Variants in ZNF254 observed in about 807,000 individuals in gnomAD.
The protein encoded by ZNF254 is zinc finger protein 254.
A neutral mutation model predicts 12.4 loss-of-function variants in ZNF254; 10 were observed. The observed-to-expected ratio is 0.80, with a 90% CI of 0.50 to 1.36. ZNF254 has a LOEUF of 1.36. Ranked by LOEUF, ZNF254 falls within the 40% of genes most tolerant of loss-of-function variation. The pLI, the probability that ZNF254 is intolerant of heterozygous loss-of-function variation, is 0.00. For synonymous variants in ZNF254, 305 were observed against 253.4 expected, an observed-to-expected ratio of 1.20 and a Z score of -1.93; for missense variants, 996 against 763.9, an observed-to-expected ratio of 1.30 and a Z score of -3.58.
In ZNF254 at chr19:24,126,686, G is replaced by T. The variant is rs764003323; in HGVS notation, c.686G>T (p.Arg229Met). Residue 229 changes from arginine (R) to methionine (M), a missense_variant, in exon 4 of 4, where the codon AGG becomes ATG. By Grantham distance (91) the Arg-to-Met change is moderately conservative (BLOSUM62 -1). Coordinates refer to ENST00000357002, the MANE Select transcript of ZNF254 (RefSeq NM_203282.4). ...TGGTCCTCAACCCTTACTAATCATA[G>T]GAAAATTTATACTGAAGAGAAACCT... Reference protein sequence around the residue: ...FNWSSTLTNHRKIYTEEKPYK... With the variant: ...FNWSSTLTNHMKIYTEEKPYK... The T allele has an allele frequency of 6.2e-7, 1 of 1,612,644 alleles. No individual in the cohort carries two copies. The highest frequency in any genetic ancestry group is 1.1e-5 in the South Asian group (1 of 90,862).
At chr19:24,089,551 C>T (rs1476313976) in intron 1 of ZNF254, among the ~76,000 whole-genome samples, 2 of 151,978 alleles carry the variant, frequency 1.3e-5, no homozygotes, top group East Asian at 1.9e-4. Flanking sequence ...TTGGGATAAA[C>T]GAAGATACCC....
chr19:24,098,605 G>T (rs138136682), intron 1 of ZNF254: 13 of 152,270 alleles, frequency 8.5e-5, no homozygotes, highest in Admixed American at 8.5e-4. Context: ...TATTTAGAGA[G>T]AAATTCTTTT....
At chr19:24,096,940 A>G (rs1487292490) in intron 1 of ZNF254, among the ~76,000 whole-genome samples, 1 of 152,228 alleles carries the variant, frequency 6.6e-6, no homozygotes, top group East Asian at 1.9e-4. Context: ...GTTCAAGCAC[A>G]TGTGATGGAC....
chr19:24,061,006 C>T (rs1357488355), intron 2 of ZNF254, among the ~76,000 whole-genome samples: 1 of 152,048 alleles, frequency 6.6e-6, no homozygotes, highest in Non-Finnish European at 1.5e-5. Context: ...TAGTTTTTGA[C>T]TCAGCACCTA....
At chr19:24,042,429 T>G (rs1970210824) in intron 1 of ZNF254, among the ~76,000 whole-genome samples, 1 of 152,150 alleles carries the variant, frequency 6.6e-6, no homozygotes, top group South Asian at 2.1e-4. Context: ...ACTTTGTTCT[T>G]TAACTCTTTG....
intron 2 of ZNF254, among the ~76,000 whole-genome samples, chr19:24,076,878 G>A (rs1971678788): frequency 6.6e-6 from 1 of 152,068 alleles, no homozygotes; most frequent in Admixed American, 6.6e-5. Context: ...AAGTCAAGCT[G>A]GAGACTACAT....
At chr19:24,080,576 A>G (rs758398959) in intron 2 of ZNF254, 4 of 152,196 alleles carry the variant, frequency 2.6e-5, no homozygotes, top group Non-Finnish European at 5.9e-5. Flanking sequence ...TCACACCTGT[A>G]ATCCTAGCAC....
At position 24,127,809 on chromosome 19, in the gene ZNF254, A is replaced by T; in HGVS notation, c.1809A>T (p.Lys603Asn). 1 of 1,612,634 alleles carries T rather than the reference A, an allele frequency of 6.2e-7. No homozygotes were observed. Among genetic ancestry groups the T allele is most frequent in the Non-Finnish European group, 8.5e-7 (1 of 1,179,484 alleles). Residue 603 changes from lysine to asparagine, a missense_variant, in exon 4 of 4, where the codon AAA (lysine) becomes AAT (asparagine). Coordinates refer to ENST00000357002, the MANE Select transcript of ZNF254 (RefSeq NM_203282.4). ...TTCATACTGGAGTAAAACCCTACAA[A>T]TGTGAAGAATGTGGCAAAGCATTTT... ...KVIHTGVKPY[K>N]CEECGKAFFW...
chr19:24,077,069 T>C (rs528443748), intron 2 of ZNF254, among the ~76,000 whole-genome samples: 2 of 152,342 alleles, frequency 1.3e-5, no homozygotes, highest in East Asian at 3.9e-4. Flanking sequence ...TCCTCTGCCC[T>C]ATTGTTAATT....
At chr19:24,052,189 G>T (rs761994389) in intron 2 of ZNF254, among the ~76,000 whole-genome samples, 1 of 152,206 alleles carries the variant, frequency 6.6e-6, no homozygotes, top group Non-Finnish European at 1.5e-5. Flanking sequence ...TATGTGTTGT[G>T]ACTCTCCTCT....
At chr19:24,114,245 G>C (rs983587161) in intron 3 of ZNF254, among the ~76,000 whole-genome samples, 9 of 151,880 alleles carry the variant, frequency 5.9e-5, no homozygotes, top group African/African-American at 1.9e-4. Context: ...AAAGAACAAA[G>C]CTGGAGGCAT....
chr19:24,120,896 C>T (rs1423251086), intron 3 of ZNF254, among the ~76,000 whole-genome samples: 1 of 152,032 alleles, frequency 6.6e-6, no homozygotes, highest in Non-Finnish European at 1.5e-5. Flanking sequence ...TGGTCTCAAT[C>T]TCCTGACCTC....
intron 2 of ZNF254, among the ~76,000 whole-genome samples, chr19:24,072,874 A>G (rs1264809290): frequency 6.6e-6 from 1 of 152,182 alleles, no homozygotes; most frequent in Non-Finnish European, 1.5e-5. Context: ...TTTCTGACCC[A>G]GCACCCAGGT....
chr19:24,037,356 G>A (rs1001125145), intron 1 of ZNF254, among the ~76,000 whole-genome samples: 1 of 152,130 alleles, frequency 6.6e-6, no homozygotes, highest in Non-Finnish European at 1.5e-5. Context: ...TAGAAATACA[G>A]TCTTCATCCT....
chr19:24,097,792 T>TAAAATAAAAG (rs1972760624), intron 1 of ZNF254, among the ~76,000 whole-genome samples: 1 of 119,016 alleles, frequency 8.4e-6, no homozygotes, highest in Non-Finnish European at 1.6e-5. Context: ...AAAAATAAAA[T>TAAAATAAAAG]AAAATAAAAT....
chr19:24,065,139 A>G (rs949214223), intron 2 of ZNF254, among the ~76,000 whole-genome samples: 3 of 151,986 alleles, frequency 2.0e-5, no homozygotes, highest in Middle Eastern at 3.2e-3. Context: ...CTTGGAATAT[A>G]TTTTTTTATC....
chr19:24,107,015 G>C (rs1470832688), intron 3 of ZNF254: 1 of 460,096 alleles, frequency 2.2e-6, no homozygotes. Flanking sequence ...CATCATGTCT[G>C]AAATGTGTGA....
rs563926970 is a variant in ZNF254, at chr19:24,126,507, A to C, written c.507A>C (p.Ser169=). 1.7e-5 allele frequency: 27 copies of C among 1,589,982 alleles called. No homozygotes were observed. In the Admixed American group the frequency reaches 4.0e-4, roughly 23 times the overall value. The change falls in exon 4 of 4, where the codon TCA becomes TCC. Residue 169 remains serine, a synonymous_variant. Coordinates refer to ENST00000357002, the MANE Select transcript of ZNF254 (RefSeq NM_203282.4). ...YLKVFYKFLN[S]NRPKIRHTEK... The stretch of plus-strand genomic sequence containing the variant: ...AAGTCTTCTATAAATTTTTAAATTC[A>C]AACAGACCTAAGATAAGACATACTG...
chr19:24,074,936 A>G (rs527366589), intron 2 of ZNF254, among the ~76,000 whole-genome samples: 44 of 152,334 alleles, frequency 2.9e-4, no homozygotes, highest in Admixed American at 5.9e-4. Context: ...TTCTGGGCCC[A>G]GAACCTAAAT....
Sources: allele counts gnomAD v4.1 joint callset (sites outside exome capture counted in the v4.1 genomes callset), GRCh38; gene constraint gnomAD v4.1.1; transcripts MANE v1.5; gene names NCBI Gene and HGNC (gene_info 2026-07-23, HGNC 2026-07-21).